The following FAM81B variants were observed in gnomAD, a reference collection of about 807,000 sequenced individuals.
The protein encoded by FAM81B is family with sequence similarity 81 member B, also known as protein FAM81B.
A neutral mutation model predicts 58.7 loss-of-function variants in FAM81B; 60 were observed. The observed-to-expected ratio is 1.02, with a 90% CI of 0.83 to 1.27. The LOEUF (loss-of-function observed/expected upper bound fraction) is 1.27. FAM81B is among the 50% of genes most tolerant of loss of function. The pLI is 0.00. For synonymous variants in FAM81B, 189 were observed against 179.6 expected (o/e 1.05, Z -0.42); for missense variants, 491 against 522.0 (o/e 0.94, Z 0.58).
intron 3 of FAM81B, among the ~76,000 whole-genome samples, chr5:95,407,435 C>T (rs1762285231): frequency 6.6e-6 from 1 of 151,704 alleles, no homozygotes. Flanking sequence ...TGCGCGCACA[C>T]AAACACACAC....
chr5:95,396,892 T>C (rs1761980148), intron 3 of FAM81B: 1 of 152,192 alleles, frequency 6.6e-6, no homozygotes, highest in African/African-American at 2.4e-5. Flanking sequence ...TTCCATAATG[T>C]CTCTGGGCTT....
At chr5:95,447,573 A>G (rs1745628167) in intron 8 of FAM81B, among the ~76,000 whole-genome samples, 2 of 152,222 alleles carry the variant, frequency 1.3e-5, no homozygotes, top group African/African-American at 4.8e-5. Context: ...GTCATTGTGC[A>G]GGCAGAAACC....
intron 7 of FAM81B, among the ~76,000 whole-genome samples, chr5:95,443,666 A>G (rs1007090482): frequency 6.6e-6 from 1 of 152,186 alleles, no homozygotes; most frequent in African/African-American, 2.4e-5. Context: ...CCTTTATTTT[A>G]CTTATTCTTT....
At chr5:95,437,043 G>T (rs1161320605) in intron 7 of FAM81B, 137 bp downstream of exon 7, 50 of 582,406 alleles carry the variant, frequency 8.6e-5, no homozygotes, top group East Asian at 4.6e-4. Context: ...CTAACACAGA[G>T]AATATTTTAC....
chr5:95,409,374 G>C (rs1244395358), intron 3 of FAM81B, among the ~76,000 whole-genome samples: 1 of 151,854 alleles, frequency 6.6e-6, no homozygotes, highest in Non-Finnish European at 1.5e-5. Flanking sequence ...GGCCAGGCTG[G>C]TTTCAAATTC....
intron 7 of FAM81B, among the ~76,000 whole-genome samples, chr5:95,439,153 A>G (rs970627641): frequency 1.3e-5 from 2 of 149,456 alleles, no homozygotes; most frequent in East Asian, 1.9e-4. Flanking sequence ...CACAAGAAAC[A>G]AAAAAAGTAT....
rs867599013 is a variant in FAM81B, at chr5:95,417,875, T to C, written c.538-2409T>C. ...TTGGCAATAGTATATGTTACAAATG[T>C]TTTTTCAGTTTGCTTTTTCTATCTT... On this transcript the variant is annotated intron_variant, in intron 4 of 9. Transcript: ENST00000283357. Among the ~76,000 whole-genome samples the C allele has an allele frequency of 7.2e-5, 11 of 152,318 alleles. 1 individual carries two copies. The highest frequency in any genetic ancestry group is 3.4e-3 in the Middle Eastern group (1 of 294).
intron 5 of FAM81B, among the ~76,000 whole-genome samples, chr5:95,424,767 C>T (rs1228902235): frequency 1.3e-5 from 2 of 150,008 alleles, no homozygotes; most frequent in African/African-American, 4.9e-5. Flanking sequence ...GGGTCAGAAA[C>T]CACTGTAGTT....
intron 4 of FAM81B, among the ~76,000 whole-genome samples, chr5:95,419,557 C>T (rs73141910): frequency 0.25 from 37,941 of 151,782 alleles, 5,909 homozygotes; most frequent in African/African-American, 0.44. Context: ...TAAATGGGTA[C>T]AAAAAGTTAA....
chr5:95,427,464 T>C (rs914205172), intron 5 of FAM81B, among the ~76,000 whole-genome samples: 2 of 152,176 alleles, frequency 1.3e-5, no homozygotes, highest in African/African-American at 2.4e-5. Context: ...TTAAGGGTGA[T>C]ACTAAAGGGA....
chr5:95,397,268 G>GA (rs1395408527), intron 3 of FAM81B, among the ~76,000 whole-genome samples: 2 of 151,722 alleles, frequency 1.3e-5, no homozygotes, highest in South Asian at 2.1e-4. Context: ...CTATGATTTA[G>GA]AAAAAAATAA....
intron 5 of FAM81B, among the ~76,000 whole-genome samples, chr5:95,422,516 T>A (rs1762713101): frequency 6.6e-6 from 1 of 151,888 alleles, no homozygotes; most frequent in South Asian, 2.1e-4. Flanking sequence ...AGAGTCTCGC[T>A]CTGTCACCCA....
chr5:95,409,799 T>C (rs1762360245), intron 3 of FAM81B, among the ~76,000 whole-genome samples: 1 of 152,146 alleles, frequency 6.6e-6, no homozygotes, highest in Admixed American at 6.5e-5. Flanking sequence ...CCAAAAAAAC[T>C]TAGCTACAGA....
At chr5:95,416,843 A>G (rs1365543572) in intron 4 of FAM81B, among the ~76,000 whole-genome samples, 1 of 152,120 alleles carries the variant, frequency 6.6e-6, no homozygotes, top group South Asian at 2.1e-4. Flanking sequence ...GGAGTTTGAG[A>G]ACAGCCTGGG....
chr5:95,429,258 G>T (rs974595445), intron 6 of FAM81B, among the ~76,000 whole-genome samples: 6 of 152,048 alleles, frequency 3.9e-5, no homozygotes, highest in African/African-American at 1.4e-4. Flanking sequence ...CCTGTAGGTA[G>T]GTCCCCACTC....
chr5:95,420,139 C>T (rs889708454), intron 4 of FAM81B, 145 bp from the exon 5 acceptor site: 1 of 922,534 alleles, frequency 1.1e-6, no homozygotes, highest in Non-Finnish European at 1.6e-6. Context: ...GCAGAGATCA[C>T]TTCTCTCTGA....
chr5:95,447,871 A>G (rs1172388084), intron 8 of FAM81B, among the ~76,000 whole-genome samples: 3 of 152,194 alleles, frequency 2.0e-5, no homozygotes, highest in Admixed American at 2.0e-4. Flanking sequence ...GGTATGGTCC[A>G]GGTGATGTTA....
At chr5:95,434,643 A>G (rs1302708028) in intron 6 of FAM81B, among the ~76,000 whole-genome samples, 1 of 152,088 alleles carries the variant, frequency 6.6e-6, no homozygotes, top group African/African-American at 2.4e-5. Context: ...GCCTCCCACA[A>G]TTTGTCAATT....
chr5:95,391,506 G>T lies in FAM81B; in HGVS notation c.117G>T (p.Met39Ile). 1 of 1,613,328 alleles carries T rather than the reference G, an allele frequency of 6.2e-7. No individual in the cohort carries two copies. The highest frequency in any genetic ancestry group is 1.1e-5 in the South Asian group (1 of 90,988). ...TKNKAGKASI[M>I]SSDTNVNKSA... ...ATAAAGCTGGAAAAGCAAGCATCATGAGTTCAGGTACTTATGGACTATTCG... is the reference window on the plus strand; with the variant it reads ...ATAAAGCTGGAAAAGCAAGCATCATTAGTTCAGGTACTTATGGACTATTCG... Residue 39 changes from methionine (M) to isoleucine (I), a missense_variant, in exon 1 of 10, where the codon ATG (methionine) becomes ATT (isoleucine). Coordinates refer to ENST00000283357, the MANE Select transcript of FAM81B (RefSeq NM_152548.3).
Sources: allele counts gnomAD v4.1 joint callset (sites outside exome capture counted in the v4.1 genomes callset), GRCh38; gene constraint gnomAD v4.1.1; transcripts MANE v1.5; gene names NCBI Gene and HGNC (gene_info 2026-07-23, HGNC 2026-07-21).